PHIP: variants seen among roughly 807,000 people sequenced by gnomAD.
The protein encoded by PHIP is PHIP subunit of CUL4-Ring ligase complex.
PHIP carries 54 observed loss-of-function variants against 236.8 expected under a neutral mutation model. The ratio of observed to expected loss-of-function variants is 0.23; its 90% CI spans 0.18 to 0.29. PHIP has a LOEUF of 0.29. Ranked by LOEUF, PHIP falls within the 10% of genes least tolerant of loss-of-function variation. The pLI is 1.00. For synonymous variants in PHIP, 756 were observed against 718.9 expected, an observed-to-expected ratio of 1.05 and a Z score of -0.83; for missense variants, 1,370 against 2,190.8, an observed-to-expected ratio of 0.63 and a Z score of 7.48.
intron 15 of PHIP, 97 bp from the exon 16 acceptor site, chr6:79,003,955 T>C (rs1770147318): frequency 1.4e-6 from 1 of 721,104 alleles, no homozygotes; most frequent in South Asian, 2.6e-5. Flanking sequence ...GCATACATCC[T>C]AATGAAGTGA....
At chr6:79,039,104 T>C (rs1301230509) in intron 7 of PHIP, among the ~76,000 whole-genome samples, 1 of 152,192 alleles carries the variant, frequency 6.6e-6, no homozygotes, top group Non-Finnish European at 1.5e-5. Context: ...TGAATCCATC[T>C]TCTACAATAA....
intron 4 of PHIP, among the ~76,000 whole-genome samples, chr6:79,072,633 G>A (rs923652223): frequency 6.2e-4 from 94 of 151,818 alleles, no homozygotes; most frequent in Non-Finnish European, 5.9e-5. Flanking sequence ...ACAGGCATGC[G>A]CCACTACACC....
At chr6:79,027,237 T>G (rs550591657) in intron 7 of PHIP, among the ~76,000 whole-genome samples, 2 of 152,312 alleles carry the variant, frequency 1.3e-5, no homozygotes, top group African/African-American at 4.8e-5. Flanking sequence ...GTATGTTAAA[T>G]GCTGTATCTT....
intron 6 of PHIP, among the ~76,000 whole-genome samples, chr6:79,047,355 T>TA (rs1772552154): frequency 1.3e-5 from 2 of 152,212 alleles, no homozygotes. Context: ...CACACCTAGT[T>TA]ATTTTTCGAG....
intron 4 of PHIP, among the ~76,000 whole-genome samples, chr6:79,070,441 A>C (rs940649894): frequency 2.6e-5 from 4 of 152,254 alleles, no homozygotes; most frequent in Non-Finnish European, 5.9e-5. Context: ...AAGTTGTTTC[A>C]GACAACGGAT....
chr6:79,040,995 A>C (rs1197799921), intron 7 of PHIP, among the ~76,000 whole-genome samples: 2 of 152,142 alleles, frequency 1.3e-5, no homozygotes, highest in Non-Finnish European at 2.9e-5. Flanking sequence ...TCCTCTTCGC[A>C]TATTATTCTT....
intron 29 of PHIP, among the ~76,000 whole-genome samples, chr6:78,964,321 G>A (rs1766987774): frequency 6.6e-6 from 1 of 152,064 alleles, no homozygotes; most frequent in Non-Finnish European, 1.5e-5. Context: ...CATTTCTGAG[G>A]TCTACGAGAC....
intron 4 of PHIP, among the ~76,000 whole-genome samples, chr6:79,070,826 A>G (rs1204997363): frequency 6.6e-6 from 1 of 152,240 alleles, no homozygotes; most frequent in Admixed American, 6.5e-5. Flanking sequence ...TGTTATGTAA[A>G]TAATTGTTAC....
At chr6:79,069,325 G>C (rs1276846229) in intron 4 of PHIP, among the ~76,000 whole-genome samples, 1 of 151,642 alleles carries the variant, frequency 6.6e-6, no homozygotes, top group East Asian at 1.9e-4. Flanking sequence ...GTTACTAACA[G>C]TGTGGGTTAA....
At chr6:79,015,018 G>T in intron 15 of PHIP, 64 bp downstream of exon 15, 1 of 1,331,252 alleles carries the variant, frequency 7.5e-7, no homozygotes, top group Non-Finnish European at 1.1e-6. Flanking sequence ...GTGACATGCA[G>T]AGTACCTTTG....
At chr6:78,975,775 T>A (rs921300517) in intron 24 of PHIP, among the ~76,000 whole-genome samples, 1 of 151,684 alleles carries the variant, frequency 6.6e-6, no homozygotes, top group Non-Finnish European at 1.5e-5. Flanking sequence ...CCATTCACAA[T>A]TGCTTCAAAG....
chr6:78,946,108 C>T lies in PHIP; in HGVS notation c.4523G>A (p.Ser1508Asn). 1 of 1,613,938 alleles carries T rather than the reference C, an allele frequency of 6.2e-7. No homozygotes were observed. Among genetic ancestry groups the T allele is most frequent in the Non-Finnish European group, 8.5e-7 (1 of 1,179,816 alleles). ...TESSSVVRTR[S>N]NRVVVDPVVT... is the part of the protein sequence containing the mutation. ...AACTGGATCTACAACCACTCGGTTG[C>T]TTCTGGTTCGAACCACAGAACTAGA... The change falls in exon 38 of 40, where the codon AGC becomes AAC. Residue 1508 changes from serine to asparagine, a missense_variant. Ser to Asn is a conservative substitution (Grantham distance 46). This residue lies in a region of PHIP where 309 missense variants were observed against 328.3 expected (regional missense o/e 0.94). Transcript: ENST00000275034.
At chr6:79,041,737 A>C (rs1352449419) in intron 7 of PHIP, among the ~76,000 whole-genome samples, 1 of 152,100 alleles carries the variant, frequency 6.6e-6, no homozygotes, top group Non-Finnish European at 1.5e-5. Context: ...TTCCACTCTG[A>C]AAATAATACT....
At chr6:79,039,746 C>T (rs973938686) in intron 7 of PHIP, among the ~76,000 whole-genome samples, 9 of 151,934 alleles carry the variant, frequency 5.9e-5, no homozygotes, top group African/African-American at 2.2e-4. Context: ...CTTTTGAGTG[C>T]CTTAGTTGTG....
intron 4 of PHIP, among the ~76,000 whole-genome samples, chr6:79,067,424 T>C (rs997715754): frequency 2.6e-5 from 4 of 152,218 alleles, no homozygotes; most frequent in Admixed American, 2.0e-4. Flanking sequence ...CTCTTTTTCA[T>C]AGTTAAAATT....
Position 79,077,881 on chromosome 6 carries a change from C to T in PHIP, c.73G>A (p.Asp25Asn), listed in dbSNP as rs1774264978. The T allele has an allele frequency of 1.3e-6, 2 of 1,581,932 alleles. No homozygotes were observed. The highest frequency in any genetic ancestry group is 1.7e-6 in the Non-Finnish European group (2 of 1,166,112). The change falls in exon 2 of 40, where the codon GAT becomes AAT. Residue 25 changes from aspartate to asparagine, a missense_variant. Asp to Asn is a conservative substitution (Grantham distance 23). Around this residue, in one of 14 missense-constraint regions of PHIP, gnomAD observed 43 missense variants for 53.8 expected, o/e 0.80. Coordinates refer to ENST00000275034, the MANE Select transcript of PHIP (RefSeq NM_017934.7). ...TGAGCCGCCTGCTGACAGGGTCCAT[C>T]TTCCAGGAACCGGGCGATGAGGAAG... ...LYFLIARFLE[D>N]GPCQQAAQVL...
chr6:78,989,861 G>C (rs1465548570), intron 20 of PHIP, among the ~76,000 whole-genome samples: 9 of 152,016 alleles, frequency 5.9e-5, no homozygotes, highest in Non-Finnish European at 1.0e-4. Flanking sequence ...CCATGAAAAA[G>C]CCAACCAATC....
At chr6:78,948,531 C>T (rs1773958318) in intron 35 of PHIP, among the ~76,000 whole-genome samples, 1 of 152,182 alleles carries the variant, frequency 6.6e-6, no homozygotes, top group South Asian at 2.1e-4. Flanking sequence ...AGTCTTGCTG[C>T]TGCCCAGGTT....
intron 29 of PHIP, 98 bp from the exon 30 acceptor site, chr6:78,963,350 A>G: frequency 1.1e-6 from 1 of 914,610 alleles, no homozygotes. Flanking sequence ...ATTAAAGTAT[A>G]TTTTGTATAG....
Sources: gnomAD v4.1 joint callset for allele counts (sites outside exome capture counted in the v4.1 genomes callset) on GRCh38, gnomAD v4.1.1 for gene constraint, gnomAD v4.1.1 regional missense constraint, MANE v1.5 for transcripts, NCBI Gene and HGNC (gene_info 2026-07-23, HGNC 2026-07-21) for gene names.